KAZN: variants seen among roughly 807,000 people sequenced by gnomAD.
KAZN encodes the protein kazrin.
Under a neutral mutation model 87.4 loss-of-function variants are expected in KAZN, and 40 were observed. The ratio of observed to expected loss-of-function variants is 0.46; its 90% confidence interval spans 0.36 to 0.60. The LOEUF is 0.60. Ranked by LOEUF, KAZN falls within the 20% of genes least tolerant of loss-of-function variation. The pLI, the probability that KAZN is intolerant of heterozygous loss-of-function variation, is 0.00. For missense variants in KAZN, 898 were observed against 1,073.9 expected (o/e 0.84, Z 2.29); for synonymous variants, 466 against 458.3 (o/e 1.02, Z -0.22).
rs1294288454 is a variant in KAZN, at chr1:15,063,672, A to G, written c.1098+50A>G. 2.8e-6 allele frequency: 4 copies of G among 1,434,336 alleles called. No homozygotes were observed. In the African/African-American group the frequency reaches 4.3e-5, roughly 15 times the overall value. 88.9% of individuals were successfully genotyped at this position (1,434,336 alleles called of 1,614,324 possible). A position where few individuals can be genotyped will look rare whatever the true frequency, so the allele number is the denominator to read the frequency against. ...TGAACCCTCCCTCCACCCCACCTTG[A>G]CTACAACTTCACCCTCTGTTCCCCT... On this transcript the variant is annotated intron_variant, in intron 7 of 14. Coordinates refer to ENST00000376030, the MANE Select transcript of KAZN (RefSeq NM_201628.3).
At chr1:14,585,665 G>A (rs144696104) in intron 2 of KAZN, among the ~76,000 whole-genome samples, 22 of 152,248 alleles carry the variant, frequency 1.4e-4, no homozygotes, top group Middle Eastern at 3.4e-3. Flanking sequence ...TTCAAGTAAC[G>A]AGGCAAAAGG....
intron 2 of KAZN, among the ~76,000 whole-genome samples, chr1:14,265,542 A>C (rs1018716442): frequency 2.6e-5 from 4 of 152,244 alleles, no homozygotes; most frequent in African/African-American, 9.6e-5. Flanking sequence ...CACAAGTGTC[A>C]TCTGGCATGC....
Position 14,769,954 on chromosome 1 carries a change from G to A in KAZN, c.226+170731G>A, listed in dbSNP as rs529350666. 1.1e-3 allele frequency among the ~76,000 whole-genome samples: 173 copies of A among 152,270 alleles called. No homozygotes were observed. Among genetic ancestry groups the A allele is most frequent in the African/African-American group, 3.9e-3 (164 of 41,564 alleles). On this transcript the variant is annotated intron_variant, in intron 1 of 14. Transcript: ENST00000376030. This position sits in a 1 kb window ranked among gnomAD's most constrained non-coding sequence, Gnocchi z 4.1. ...GGATGGCCCCTCTGAGCAGGTGATG[G>A]GTAAACTGAACCCTGGAGGTTGAGC...
chr1:14,125,366 C>T (rs1281342562), intron 1 of KAZN, among the ~76,000 whole-genome samples: 2 of 152,114 alleles, frequency 1.3e-5, no homozygotes, highest in East Asian at 1.9e-4. Flanking sequence ...CAAACATTCC[C>T]CAGGAACTGT....
chr1:14,894,078 C>A (rs1655004718), intron 1 of KAZN, among the ~76,000 whole-genome samples: 1 of 152,122 alleles, frequency 6.6e-6, no homozygotes, highest in Non-Finnish European at 1.5e-5. Context: ...CACCAGAGCC[C>A]AGGGTGCTGC....
At chr1:13,955,932 C>T (rs1201630721) in intron 1 of KAZN, among the ~76,000 whole-genome samples, 7 of 152,128 alleles carry the variant, frequency 4.6e-5, no homozygotes, top group South Asian at 4.1e-4. Flanking sequence ...TGTAGAGTCA[C>T]GCCAGTCATT....
intron 1 of KAZN, among the ~76,000 whole-genome samples, chr1:14,121,974 A>C (rs4662109): frequency 0.55 from 84,062 of 152,072 alleles, 24,329 homozygotes; most frequent in East Asian, 0.74. Context: ...AGGTTGGAAC[A>C]GAGTGTGTAG....
intron 7 of KAZN, among the ~76,000 whole-genome samples, chr1:15,064,271 C>T (rs1557772109): frequency 6.6e-6 from 1 of 152,162 alleles, no homozygotes; most frequent in African/African-American, 2.4e-5. Flanking sequence ...GGTCTGCACA[C>T]CACCCATTCG....
chr1:14,393,286 G>A (rs528445414), intron 2 of KAZN, among the ~76,000 whole-genome samples: 3 of 152,246 alleles, frequency 2.0e-5, no homozygotes, highest in South Asian at 4.2e-4. Context: ...GTTTGAGAAC[G>A]CTGAAGTCAC....
chr1:13,904,238 GA>G, intron 1 of KAZN, among the ~76,000 whole-genome samples: 1 of 152,296 alleles, frequency 6.6e-6, no homozygotes, highest in African/African-American at 2.4e-5. Flanking sequence ...CCTCAGCACA[GA>G]GGAAATAGCC....
intron 1 of KAZN, among the ~76,000 whole-genome samples, chr1:14,037,522 AC>A (rs1274802164): frequency 2.0e-5 from 3 of 152,176 alleles, no homozygotes; most frequent in Non-Finnish European, 4.4e-5. Flanking sequence ...CAAATTTAGA[AC>A]CCTGAGTCCT....
intron 2 of KAZN, among the ~76,000 whole-genome samples, chr1:14,286,087 C>T (rs1272716863): frequency 6.6e-6 from 1 of 152,188 alleles, no homozygotes; most frequent in Non-Finnish European, 1.5e-5. Context: ...GCTGGAATTG[C>T]CATTAAAAGT....
rs1346804488 is a variant in KAZN, at chr1:14,954,020, C to A, written c.227-6664C>A. Among the ~76,000 whole-genome samples, 3 of 152,208 alleles carry A rather than the reference C, an allele frequency of 2.0e-5. No homozygotes were observed. The South Asian group carries it at 6.2e-4, about 32-fold the overall frequency. On this transcript the variant is annotated intron_variant, in intron 1 of 14. Transcript: ENST00000376030. The stretch of plus-strand genomic sequence containing the variant: ...TGGGCTGCAGAAGGGCAAGGGTCTG[C>A]CCCAGCTCCCTTTGCCACCTGGTAT...
rs530217481 is a variant in KAZN, at chr1:14,084,650, A to G, written c.92-95785A>G. On this transcript the variant is annotated intron_variant, in intron 1 of 16. Coordinates refer to the KAZN transcript ENST00000636203. ...TTACTTCAATCTGTAACTTTAAAAA[A>G]AAAGTAAAACCTAATTGGCCATCTT... Among the ~76,000 whole-genome samples, 61 of 150,624 alleles carry G rather than the reference A, an allele frequency of 4.0e-4. 1 individual carries two copies. Among genetic ancestry groups the G allele is most frequent in the Admixed American group, 2.5e-3 (38 of 14,966 alleles).
intron 1 of KAZN, among the ~76,000 whole-genome samples, chr1:13,997,551 G>A (rs1282664071): frequency 6.6e-6 from 1 of 151,988 alleles, no homozygotes; most frequent in Non-Finnish European, 1.5e-5. Flanking sequence ...GAAAAACACA[G>A]CATGAGAACT....
intron 1 of KAZN, among the ~76,000 whole-genome samples, chr1:14,656,198 G>A (rs78628059): frequency 0.042 from 6,424 of 152,230 alleles, 180 homozygotes; most frequent in Middle Eastern, 0.078. Context: ...GGTCATTCTC[G>A]GGGTAGGCTT....
rs1641804392 is a variant in KAZN, at chr1:15,115,283, C to G, written c.*648C>G. The G allele has an allele frequency of 6.6e-6, 1 of 152,322 alleles. No individual in the cohort carries two copies. Among genetic ancestry groups the G allele is most frequent in the African/African-American group, 2.4e-5 (1 of 41,462 alleles). 9.4% of individuals were successfully genotyped at this position (152,322 alleles called of 1,614,324 possible). On this transcript the variant is annotated 3_prime_UTR_variant, in exon 15 of 15. Transcript: ENST00000376030. The surrounding 1 kb of genome is among the most constrained non-coding windows in gnomAD (Gnocchi z 4.1). ...GGTGGACGTATTGAAGAGCTGTTTGCCGATCCACCCAGGAGTGGCTACGCT... is the reference window on the plus strand; with the variant it reads ...GGTGGACGTATTGAAGAGCTGTTTGGCGATCCACCCAGGAGTGGCTACGCT...
At chr1:14,167,845 A>T (rs1645866064) in intron 1 of KAZN, among the ~76,000 whole-genome samples, 1 of 152,224 alleles carries the variant, frequency 6.6e-6, no homozygotes, top group Admixed American at 6.5e-5. Flanking sequence ...ACAGTGGCAT[A>T]GGAGGAAAAG....
At chr1:15,030,427 C>G (rs553321371) in intron 2 of KAZN, among the ~76,000 whole-genome samples, 11 of 152,194 alleles carry the variant, frequency 7.2e-5, no homozygotes, top group African/African-American at 2.6e-4. Context: ...GCCACCACGC[C>G]CGGCTAATTT....
Sources: allele counts gnomAD v4.1 joint callset (sites outside exome capture counted in the v4.1 genomes callset), GRCh38; gene constraint gnomAD v4.1.1; non-coding constraint Gnocchi (gnomAD v3.1); transcripts MANE v1.5; gene names NCBI Gene and HGNC (gene_info 2026-07-23, HGNC 2026-07-21).